Variants in TBX15 observed in about 807,000 individuals in gnomAD.
TBX15 encodes T-box transcription factor TBX15.
Under a neutral mutation model 53.9 loss-of-function variants are expected in TBX15, and 18 were observed. That is an observed-to-expected ratio of 0.33 (90% confidence interval 0.23 to 0.49). The LOEUF (loss-of-function observed/expected upper bound fraction) is 0.49, where lower values mean the gene tolerates loss of function less well. TBX15 is among the 20% of genes least tolerant of loss of function. The pLI, the probability that TBX15 is intolerant of heterozygous loss-of-function variation, is 0.98. For missense variants in TBX15, 692 were observed against 749.5 expected, an observed-to-expected ratio of 0.92 and a Z score of 0.90; for synonymous variants, 295 against 278.0, an observed-to-expected ratio of 1.06 and a Z score of -0.61.
At chr1:118,893,629 A>AAGAAAG (rs1557873112) in intron 7 of TBX15, among the ~76,000 whole-genome samples, 7 of 148,854 alleles carry the variant, frequency 4.7e-5, no homozygotes, top group African/African-American at 1.8e-4. Flanking sequence ...GAGAGAAAGA[A>AAGAAAG]AAAGAAAGAA....
At chr1:118,985,204 G>A (rs1400382413) in intron 1 of TBX15, among the ~76,000 whole-genome samples, 1 of 152,066 alleles carries the variant, frequency 6.6e-6, no homozygotes, top group Non-Finnish European at 1.5e-5. Context: ...ACCACGCAGC[G>A]GCTTCTGGGC....
At chr1:118,924,493 G>A (rs1243515970) in intron 4 of TBX15, among the ~76,000 whole-genome samples, 153 bp downstream of exon 4, 5 of 152,094 alleles carry the variant, frequency 3.3e-5, no homozygotes, top group Admixed American at 3.3e-4. Flanking sequence ...GAATTTAACT[G>A]GAAAAAAACA....
At chr1:118,983,546 G>C (rs931112089) in intron 1 of TBX15, among the ~76,000 whole-genome samples, 1 of 152,108 alleles carries the variant, frequency 6.6e-6, no homozygotes, top group Non-Finnish European at 1.5e-5. Flanking sequence ...TGACAAACTC[G>C]GGCCTTAGAT....
chr1:118,978,479 G>C (rs894680356), intron 1 of TBX15, among the ~76,000 whole-genome samples: 4 of 152,162 alleles, frequency 2.6e-5, no homozygotes, highest in Admixed American at 1.3e-4. Context: ...AGGCACTGAG[G>C]CCTCATCAGT....
At chr1:118,931,203 C>CT (rs1655770395) in intron 2 of TBX15, among the ~76,000 whole-genome samples, 1 of 152,152 alleles carries the variant, frequency 6.6e-6, no homozygotes, top group African/African-American at 2.4e-5. Context: ...CAAGTCAATT[C>CT]TTTTTTAAAA....
At chr1:118,986,115 C>A (rs1571225119) in intron 1 of TBX15, among the ~76,000 whole-genome samples, 1 of 152,200 alleles carries the variant, frequency 6.6e-6, no homozygotes, top group African/African-American at 2.4e-5. Context: ...AATAAAAGAA[C>A]CTTACAAATT....
chr1:118,937,591 T>C (rs566125031), intron 1 of TBX15, among the ~76,000 whole-genome samples: 1 of 152,348 alleles, frequency 6.6e-6, no homozygotes, highest in East Asian at 1.9e-4. Flanking sequence ...AAGCTGACTG[T>C]AGAGTCAGAT....
rs1033830500 is a variant in TBX15 at position 118,988,055 on chromosome 1, G to C, written c.-260C>G. On this transcript the variant is annotated 5_prime_UTR_variant, in exon 1 of 8. Transcript: ENST00000369429. ...AGCGCCGCCCGCTCGCTGCATGAGC[G>C]CCCGAGTCCTGCTTCCCACCCACCG... The C allele has an allele frequency of 3.6e-6, 2 of 552,666 alleles. No individual in the cohort carries two copies. Among genetic ancestry groups the C allele is most frequent in the East Asian group, 6.3e-5 (2 of 31,796 alleles). 34.2% of individuals were successfully genotyped at this position (552,666 alleles called of 1,614,324 possible). A position where few individuals can be genotyped will look rare whatever the true frequency, so the allele number is the denominator to read the frequency against.
intron 2 of TBX15, 113 bp from the exon 3 acceptor site, chr1:118,926,724 G>A: frequency 1.1e-6 from 1 of 928,774 alleles, no homozygotes; most frequent in Admixed American, 2.0e-5. Flanking sequence ...TTTGTTTTTT[G>A]AGATGGAGTC....
intron 7 of TBX15, among the ~76,000 whole-genome samples, chr1:118,898,366 A>C (rs1275030038): frequency 6.6e-6 from 1 of 152,168 alleles, no homozygotes; most frequent in Non-Finnish European, 1.5e-5. Context: ...TACAGACAAG[A>C]CTGAGAAAAT....
At position 118,926,757 on chromosome 1, in the gene TBX15, G is replaced by A. The variant is rs559261414; in HGVS notation, c.420-146C>T. On this transcript the variant is annotated intron_variant, in intron 2 of 7. Coordinates refer to ENST00000369429, the MANE Select transcript of TBX15 (RefSeq NM_001330677.2). Reference sequence around the variant, plus strand: ...GTCTCGCTCTGTCACCCAGGCTGGAGTGCAGTAGCACAATCTTGGCTCACT... The same window carrying A: ...GTCTCGCTCTGTCACCCAGGCTGGAATGCAGTAGCACAATCTTGGCTCACT... 246 of 716,384 alleles carry A rather than the reference G, an allele frequency of 3.4e-4. 1 individual carries two copies. The highest frequency in any genetic ancestry group is 5.0e-4 in the Non-Finnish European group (206 of 413,780). 44.4% of individuals were successfully genotyped at this position (716,384 alleles called of 1,614,324 possible).
intron 6 of TBX15, 39 bp from the exon 7 acceptor site, chr1:118,899,164 T>A (rs2101501301): frequency 6.3e-7 from 1 of 1,577,016 alleles, no homozygotes; most frequent in Admixed American, 1.7e-5. Flanking sequence ...TCATAAATAA[T>A]TTCAAGAAAT....
chr1:118,964,354 T>C (rs1656973474), intron 1 of TBX15, among the ~76,000 whole-genome samples: 1 of 152,254 alleles, frequency 6.6e-6, no homozygotes, highest in Non-Finnish European at 1.5e-5. Context: ...GGTTATGTAA[T>C]AGTTACTGAC....
At chr1:118,920,911 C>T (rs1303718955) in intron 5 of TBX15, among the ~76,000 whole-genome samples, 3 of 152,020 alleles carry the variant, frequency 2.0e-5, no homozygotes, top group Admixed American at 6.6e-5. Context: ...TTTAACAATG[C>T]TACTAATAAC....
chr1:118,887,965 C>T (rs1194767016), intron 7 of TBX15, among the ~76,000 whole-genome samples: 5 of 152,124 alleles, frequency 3.3e-5, no homozygotes, highest in African/African-American at 1.2e-4. Flanking sequence ...AAAGAATTCC[C>T]CCCAATGAAC....
chr1:118,988,073 A>G lies in TBX15; in HGVS notation c.-278T>C, dbSNP rs1381422535. 9.5e-6 allele frequency: 5 copies of G among 525,958 alleles called. No homozygotes were observed. The highest frequency in any genetic ancestry group is 2.0e-5 in the African/African-American group (1 of 49,896). The allele number at this position is 525,958 out of a possible 1,614,324, so 32.6% of individuals were successfully genotyped here. ...CATGAGCGCCCGAGTCCTGCTTCCC[A>G]CCCACCGGGGCAGGCGCTCACAGAC... is the stretch of plus-strand genomic sequence containing the variant. On this transcript the variant is annotated 5_prime_UTR_variant, in exon 1 of 8. Transcript: ENST00000369429.
chr1:118,970,840 T>C (rs73009540), intron 1 of TBX15, among the ~76,000 whole-genome samples: 2,109 of 152,322 alleles, frequency 0.014, 49 homozygotes, highest in African/African-American at 0.048. Context: ...ACCATGTGGC[T>C]GAGCCCTAAG....
In TBX15 at chr1:118,883,574, C is replaced by T. The variant is rs1169690034; in HGVS notation, c.*1158G>A. 1 of 152,146 alleles carries T rather than the reference C, an allele frequency of 6.6e-6. No individual in the cohort carries two copies. Among genetic ancestry groups the T allele is most frequent in the Admixed American group, 6.5e-5 (1 of 15,278 alleles). 9.4% of individuals were successfully genotyped at this position (152,146 alleles called of 1,614,324 possible). ...TGGAGGCCAGGCCTCTATTTGTTGC[C>T]TCTGCTCTTGGTATCATCTTCCGAG... On this transcript the variant is annotated 3_prime_UTR_variant, in exon 8 of 8. Coordinates refer to ENST00000369429, the MANE Select transcript of TBX15 (RefSeq NM_001330677.2).
chr1:118,899,472 T>C (rs189744389), intron 6 of TBX15, among the ~76,000 whole-genome samples: 3 of 152,286 alleles, frequency 2.0e-5, no homozygotes, highest in Admixed American at 1.3e-4. Context: ...GAAAGTAACA[T>C]TGACTGCTTC....
Sources: gnomAD v4.1 joint callset for allele counts (sites outside exome capture counted in the v4.1 genomes callset) on GRCh38, gnomAD v4.1.1 for gene constraint, MANE v1.5 for transcripts, NCBI Gene and HGNC (gene_info 2026-07-23, HGNC 2026-07-21) for gene names.